CFAP46: variants seen among roughly 807,000 people sequenced by gnomAD.
CFAP46 encodes cilia and flagella associated protein 46.
Under a neutral mutation model 325.7 loss-of-function variants are expected in CFAP46, and 245 were observed. The ratio of observed to expected loss-of-function variants is 0.75; its 90% CI spans 0.68 to 0.84. The LOEUF (loss-of-function observed/expected upper bound fraction) is 0.84. Ranked by LOEUF, CFAP46 falls within the 40% of genes least tolerant of loss-of-function variation. CFAP46 has a pLI of 0.00. For missense variants in CFAP46, 3,346 were observed against 3,543.0 expected (o/e 0.94, Z 1.41); for synonymous variants, 1,523 against 1,495.9 (o/e 1.02, Z -0.42).
chr10:132,927,985 C>T (rs554549771), intron 9 of CFAP46, among the ~76,000 whole-genome samples: 1 of 152,148 alleles, frequency 6.6e-6, no homozygotes, highest in East Asian at 1.9e-4. Context: ...AGAGGCCAAC[C>T]GGGCAAAGGG....
chr10:132,823,849 GTGC>G (rs1271571818), intron 50 of CFAP46, among the ~76,000 whole-genome samples: 5 of 144,166 alleles, frequency 3.5e-5, no homozygotes, highest in East Asian at 2.2e-4. Flanking sequence ...TGTTGTGTGA[GTGC>G]TGATGTGTGC....
At chr10:132,906,405 G>A (rs1849456228) in intron 22 of CFAP46, among the ~76,000 whole-genome samples, 1 of 152,288 alleles carries the variant, frequency 6.6e-6, no homozygotes, top group African/African-American at 2.4e-5. Flanking sequence ...CTGCTCTAGA[G>A]CCTGGGAACA....
intron 22 of CFAP46, among the ~76,000 whole-genome samples, chr10:132,902,427 T>C (rs1849404092): frequency 6.6e-6 from 1 of 152,238 alleles, no homozygotes; most frequent in Non-Finnish European, 1.5e-5. Flanking sequence ...ATAACACTCT[T>C]CCAGTGGCGT....
In CFAP46 at chr10:132,941,985, G is replaced by A. The variant is rs1420780101; in HGVS notation, c.169C>T (p.Leu57=). Residue 57 remains leucine, a synonymous_variant, in exon 2 of 58, where the codon CTG becomes TTG. Transcript: ENST00000368586. ...GGATCCCGGGAACTAGTTACCTTCA[G>A]GGCCTGCTCTGCACACAGAACAAAC... ...DLFVLCAEQA[L]KMRQPEVSED... 1.3e-6 allele frequency: 2 copies of A among 1,551,838 alleles called. No homozygotes were observed. Among genetic ancestry groups the A allele is most frequent in the Admixed American group, 3.9e-5 (2 of 51,002 alleles).
At chr10:132,833,868 C>T (rs1053765493) in intron 49 of CFAP46, among the ~76,000 whole-genome samples, 173 bp downstream of exon 49, 2 of 152,190 alleles carry the variant, frequency 1.3e-5, no homozygotes, top group African/African-American at 4.8e-5. Context: ...GTGCAGAGAA[C>T]CTTCCGGGGA....
intron 57 of CFAP46, among the ~76,000 whole-genome samples, chr10:132,809,185 G>C (rs896726935): frequency 2.6e-5 from 4 of 152,006 alleles, no homozygotes; most frequent in Non-Finnish European, 4.4e-5. Flanking sequence ...CTGCTCTGCT[G>C]GGGGGGCGCC....
At chr10:132,880,795 C>A in intron 28 of CFAP46, 66 bp downstream of exon 28, 1 of 1,504,144 alleles carries the variant, frequency 6.6e-7, no homozygotes, top group Non-Finnish European at 8.9e-7. Context: ...GTCCAGATCA[C>A]GGAGCAGGAA....
intron 45 of CFAP46, 25 bp downstream of exon 45, chr10:132,836,792 C>A (rs1848256096): frequency 6.3e-7 from 1 of 1,598,604 alleles, no homozygotes; most frequent in South Asian, 1.1e-5. Flanking sequence ...CTGGGGGCGG[C>A]CTCAACAAGA....
chr10:132,833,349 A>G lies in CFAP46; in HGVS notation c.7117+9T>C. ...ATTACACATTAAGGTGGCTGAGGGC[A>G]GTTCCTACCTGTCTCTTCTTTATGG... On this transcript the variant is annotated intron_variant, in intron 50 of 57. Transcript: ENST00000368586. The G allele has an allele frequency of 6.2e-7, 1 of 1,608,994 alleles. No individual in the cohort carries two copies. Among genetic ancestry groups the G allele is most frequent in the Non-Finnish European group, 8.5e-7 (1 of 1,176,018 alleles).
intron 14 of CFAP46, 35 bp downstream of exon 14, chr10:132,920,024 G>A: frequency 6.7e-7 from 1 of 1,488,410 alleles, no homozygotes; most frequent in Non-Finnish European, 9.0e-7. Context: ...CCCGGGCTGA[G>A]CTGTGCGTGG....
intron 13 of CFAP46, among the ~76,000 whole-genome samples, chr10:132,921,047 C>G (rs1849715314): frequency 6.6e-6 from 1 of 152,370 alleles, no homozygotes; most frequent in Middle Eastern, 3.4e-3. Flanking sequence ...CCCCTTCCCG[C>G]TCCAAGAGTC....
chr10:132,912,529 CT>C, intron 19 of CFAP46, 125 bp downstream of exon 19: 1 of 736,994 alleles, frequency 1.4e-6, no homozygotes, highest in Non-Finnish European at 2.0e-6. Flanking sequence ...CTCTCTTCAC[CT>C]CTCTCCTCTC....
At chr10:132,916,496 ACT>A in intron 17 of CFAP46, 51 bp downstream of exon 17, 2 of 1,514,764 alleles carry the variant, frequency 1.3e-6, no homozygotes, top group East Asian at 5.3e-5. Flanking sequence ...TGCAGGGGAC[ACT>A]CTGACCCACG....
chr10:132,887,186 CT>C (rs1849149961), intron 25 of CFAP46, among the ~76,000 whole-genome samples: 1 of 97,212 alleles, frequency 1.0e-5, no homozygotes, highest in Non-Finnish European at 2.0e-5. Flanking sequence ...CCCCTCTTCT[CT>C]CTCTCCTCTC....
intron 24 of CFAP46, among the ~76,000 whole-genome samples, chr10:132,898,168 A>C (rs1003018311): frequency 6.6e-6 from 1 of 152,182 alleles, no homozygotes; most frequent in African/African-American, 2.4e-5. Flanking sequence ...ACTGACCCCA[A>C]CCCGAGAGTC....
chr10:132,934,541 G>A (rs1466872679), intron 8 of CFAP46, among the ~76,000 whole-genome samples: 1 of 152,228 alleles, frequency 6.6e-6, no homozygotes, highest in African/African-American at 2.4e-5. Flanking sequence ...CTAAACTCAT[G>A]TTAAAAAGTA....
chr10:132,896,802 C>T (rs1045451376), intron 24 of CFAP46, among the ~76,000 whole-genome samples: 7 of 152,176 alleles, frequency 4.6e-5, no homozygotes, highest in Non-Finnish European at 1.0e-4. Context: ...GGGCCCCAGA[C>T]AGCTAAAACA....
At chr10:132,846,016 C>G (rs41309401) in intron 44 of CFAP46, 41 bp downstream of exon 44, 2 of 1,576,146 alleles carry the variant, frequency 1.3e-6, no homozygotes, top group Non-Finnish European at 1.7e-6. Context: ...CACAGAGCTC[C>G]AGAGCTGGGG....
At chr10:132,844,918 ATCATGGC>A (rs1390954590) in intron 44 of CFAP46, among the ~76,000 whole-genome samples, 1 of 152,116 alleles carries the variant, frequency 6.6e-6, no homozygotes, top group East Asian at 1.9e-4. Context: ...CACAGGCACT[ATCATGGC>A]TCACTGCAGC....
Sources: gnomAD v4.1 joint callset for allele counts (sites outside exome capture counted in the v4.1 genomes callset) on GRCh38, gnomAD v4.1.1 for gene constraint, MANE v1.5 for transcripts, NCBI Gene and HGNC (gene_info 2026-07-23, HGNC 2026-07-21) for gene names.